Variants in SCFD2 observed in about 807,000 individuals in gnomAD.
The protein encoded by SCFD2 is sec1 family domain containing 2, also known as sec1 family domain-containing protein 2.
SCFD2 carries 54 observed loss-of-function variants against 58.9 expected under a neutral mutation model. The ratio of observed to expected loss-of-function variants is 0.92; its 90% CI spans 0.74 to 1.15. The LOEUF is 1.15. Among genes scored for constraint, SCFD2 ranks in the 50% most tolerant of loss-of-function variants. The pLI is 0.00. For missense variants in SCFD2, 805 were observed against 836.6 expected (o/e 0.96, Z 0.47); for synonymous variants, 321 against 335.9 (o/e 0.96, Z 0.49).
chr4:53,205,591 A>G (rs1560384238), intron 4 of SCFD2, among the ~76,000 whole-genome samples: 2 of 152,232 alleles, frequency 1.3e-5, no homozygotes, highest in East Asian at 3.9e-4. Context: ...AAGATGAAAA[A>G]GGCTCTTAAA....
chr4:52,992,677 C>T (rs1367285412), intron 5 of SCFD2, among the ~76,000 whole-genome samples: 2 of 152,110 alleles, frequency 1.3e-5, no homozygotes, highest in Non-Finnish European at 2.9e-5. Context: ...TGCCTGGCCG[C>T]CACCCCATCT....
intron 5 of SCFD2, among the ~76,000 whole-genome samples, chr4:53,047,962 T>C (rs17082330): frequency 0.15 from 23,317 of 152,192 alleles, 2,636 homozygotes; most frequent in African/African-American, 0.32. Context: ...ATGTGTGTAC[T>C]GTCTGGTGAC....
At chr4:52,992,642 C>T (rs565854439) in intron 5 of SCFD2, among the ~76,000 whole-genome samples, 6 of 152,112 alleles carry the variant, frequency 3.9e-5, no homozygotes, top group African/African-American at 9.6e-5. Flanking sequence ...CCCCGCCACC[C>T]CTTCTGGGAT....
chr4:53,282,459 G>A (rs6852755), intron 3 of SCFD2, among the ~76,000 whole-genome samples: 15,020 of 151,748 alleles, frequency 0.099, 1,115 homozygotes, highest in South Asian at 0.21. Context: ...TTTAATATCC[G>A]AGGGCCCTTT....
intron 4 of SCFD2, among the ~76,000 whole-genome samples, chr4:53,256,290 C>T (rs1365284738): frequency 4.2e-4 from 54 of 129,528 alleles, no homozygotes; most frequent in Non-Finnish European, 6.3e-4. Flanking sequence ...CCAGATGGGG[C>T]GGCGGGGCAG....
chr4:53,228,667 C>T (rs1268478816), intron 4 of SCFD2, among the ~76,000 whole-genome samples: 1 of 152,116 alleles, frequency 6.6e-6, no homozygotes, highest in African/African-American at 2.4e-5. Flanking sequence ...CAATATCATA[C>T]TGAATGGGCA....
At chr4:53,207,346 G>A (rs1415542948) in intron 4 of SCFD2, among the ~76,000 whole-genome samples, 5 of 146,608 alleles carry the variant, frequency 3.4e-5, no homozygotes, top group Non-Finnish European at 7.4e-5. Context: ...CAAGAGGGGA[G>A]AATTTTTTTT....
intron 4 of SCFD2, among the ~76,000 whole-genome samples, chr4:53,247,012 A>C (rs922880874): frequency 1.3e-5 from 2 of 150,836 alleles, no homozygotes; most frequent in African/African-American, 2.4e-5. Flanking sequence ...AAAAAAAAAA[A>C]CTCCAAACAA....
At chr4:53,070,864 A>G (rs1052642839) in intron 5 of SCFD2, among the ~76,000 whole-genome samples, 7 of 152,026 alleles carry the variant, frequency 4.6e-5, no homozygotes, top group Admixed American at 3.3e-4. Context: ...AAAAATATAT[A>G]CCCATATTTT....
chr4:53,059,138 T>C (rs1469972297), intron 5 of SCFD2, among the ~76,000 whole-genome samples: 2 of 152,068 alleles, frequency 1.3e-5, no homozygotes, highest in Non-Finnish European at 2.9e-5. Context: ...AGGTGACTGA[T>C]CTCTCCCTTG....
chr4:53,203,350 T>C (rs1728310425), intron 4 of SCFD2, among the ~76,000 whole-genome samples: 1 of 151,992 alleles, frequency 6.6e-6, no homozygotes. Flanking sequence ...AGAGAAGGCA[T>C]AATCAGATTT....
In SCFD2 at chr4:52,884,763, A is replaced by G. The variant is rs555707552; in HGVS notation, c.1962+984T>C. Among the ~76,000 whole-genome samples, 10 of 152,306 alleles carry G rather than the reference A, an allele frequency of 6.6e-5. No homozygotes were observed. In the East Asian group the frequency reaches 1.5e-3, roughly 24 times the overall value. On this transcript the variant is annotated intron_variant, in intron 8 of 8. Transcript: ENST00000401642. Reference sequence around the variant, plus strand: ...CCAGAAGCAGGGGTTCTCCTCTTCCAGAAGCCTCTCTCCTTGGGCTCCTGC... The same window carrying G: ...CCAGAAGCAGGGGTTCTCCTCTTCCGGAAGCCTCTCTCCTTGGGCTCCTGC...
At chr4:53,154,735 T>C (rs1263585492) in intron 4 of SCFD2, among the ~76,000 whole-genome samples, 1 of 152,216 alleles carries the variant, frequency 6.6e-6, no homozygotes, top group East Asian at 1.9e-4. Flanking sequence ...GTGATGAAGG[T>C]TGCAGATCTT....
At chr4:53,015,758 A>G (rs1039442935) in intron 5 of SCFD2, among the ~76,000 whole-genome samples, 2 of 152,156 alleles carry the variant, frequency 1.3e-5, no homozygotes, top group African/African-American at 2.4e-5. Flanking sequence ...GAGAAGAGAA[A>G]TAGCAAATTG....
At chr4:52,910,336 A>T (rs949660226) in intron 6 of SCFD2, among the ~76,000 whole-genome samples, 7 of 152,318 alleles carry the variant, frequency 4.6e-5, no homozygotes, top group African/African-American at 7.2e-5. Context: ...TTCCTTAGAG[A>T]TGGTGAAGCA....
At chr4:52,929,703 T>A (rs1719944525) in intron 5 of SCFD2, among the ~76,000 whole-genome samples, 1 of 152,174 alleles carries the variant, frequency 6.6e-6, no homozygotes, top group South Asian at 2.1e-4. Context: ...CTGTTAGGGA[T>A]GCAGGCACTG....
chr4:53,240,454 A>C (rs965927881), intron 4 of SCFD2, among the ~76,000 whole-genome samples: 11 of 152,216 alleles, frequency 7.2e-5, no homozygotes, highest in Admixed American at 5.9e-4. Flanking sequence ...ATGGAAAGTG[A>C]CCTTCACTAT....
At chr4:52,875,705 A>G (rs1465795379) in intron 8 of SCFD2, among the ~76,000 whole-genome samples, 1 of 150,996 alleles carries the variant, frequency 6.6e-6, no homozygotes, top group Admixed American at 6.6e-5. Flanking sequence ...GTTGTTAAAG[A>G]AAGAATTTTT....
intron 5 of SCFD2, among the ~76,000 whole-genome samples, chr4:52,993,515 C>A (rs536247242): frequency 1.3e-5 from 2 of 152,208 alleles, no homozygotes; most frequent in Non-Finnish European, 2.9e-5. Context: ...TATCTAGAAG[C>A]AGCTCCGCAT....
Sources: gnomAD v4.1 joint callset for allele counts (sites outside exome capture counted in the v4.1 genomes callset) on GRCh38, gnomAD v4.1.1 for gene constraint, MANE v1.5 for transcripts, NCBI Gene and HGNC (gene_info 2026-07-23, HGNC 2026-07-21) for gene names.